Variants in HTR2C observed in about 807,000 individuals in gnomAD.
The protein encoded by HTR2C is 5-hydroxytryptamine receptor 2C.
A neutral mutation model predicts 21.0 loss-of-function variants in HTR2C; 5 were observed. The observed-to-expected ratio is 0.24, with a 90% confidence interval of 0.12 to 0.50. HTR2C has a LOEUF of 0.50. HTR2C is among the 20% of genes least tolerant of loss of function. The pLI is 0.98. For missense variants in HTR2C, 271 were observed against 371.2 expected (o/e 0.73, Z 2.22); for synonymous variants, 150 against 145.3 (o/e 1.03, Z -0.23).
At chrX:114,759,464 C>T (rs782094562) in intron 4 of HTR2C, among the ~76,000 whole-genome samples, 2 of 111,477 alleles carry the variant, frequency 1.8e-5, no homozygotes, top group Non-Finnish European at 3.8e-5. Context: ...AATTAAAACA[C>T]GAGTATATAT....
intron 2 of HTR2C, among the ~76,000 whole-genome samples, chrX:114,641,064 T>C (rs937818030): frequency 1.5e-4 from 16 of 103,719 alleles, no homozygotes; most frequent in African/African-American, 5.3e-4. Context: ...TTTTTTCTTT[T>C]CTTTTCTTTT....
chrX:114,660,913 A>G (rs781870686), intron 2 of HTR2C, among the ~76,000 whole-genome samples: 5 of 112,196 alleles, frequency 4.5e-5, no homozygotes, highest in African/African-American at 1.6e-4. Flanking sequence ...AAAGTTGTGT[A>G]TTCTATTTAA....
At chrX:114,668,532 G>A (rs990360660) in intron 2 of HTR2C, among the ~76,000 whole-genome samples, 1 of 111,303 alleles carries the variant, frequency 9.0e-6, no homozygotes, top group South Asian at 3.7e-4. Context: ...TTATGGCTAG[G>A]TATAAATTCA....
intron 2 of HTR2C, among the ~76,000 whole-genome samples, chrX:114,642,930 A>G (rs1930195313): frequency 8.9e-6 from 1 of 111,894 alleles, no homozygotes; most frequent in Non-Finnish European, 1.9e-5. Context: ...TTTTATAATT[A>G]TCTTCCAACA....
chrX:114,650,691 T>C (rs1930528924), intron 2 of HTR2C, among the ~76,000 whole-genome samples: 1 of 112,296 alleles, frequency 8.9e-6, no homozygotes, highest in Admixed American at 9.5e-5. Context: ...CTCTTCTTTA[T>C]TATCTCCCTC....
At chrX:114,641,031 CCTTTCTTT>C (rs78437727) in intron 2 of HTR2C, among the ~76,000 whole-genome samples, 33 of 84,077 alleles carry the variant, frequency 3.9e-4, no homozygotes, top group East Asian at 1.1e-3. Context: ...TTTCTTTCTT[CCTTTCTTT>C]CTTTCTTTCT....
chrX:114,827,095 A>G, intron 4 of HTR2C, among the ~76,000 whole-genome samples: 1 of 110,595 alleles, frequency 9.0e-6, no homozygotes, highest in Non-Finnish European at 1.9e-5. Flanking sequence ...TTGGGACCAC[A>G]ATGCTTTGGA....
intron 2 of HTR2C, among the ~76,000 whole-genome samples, chrX:114,679,506 C>T (rs1556413264): frequency 2.7e-5 from 3 of 110,154 alleles, no homozygotes; most frequent in Non-Finnish European, 3.8e-5. Flanking sequence ...CTTGAATTCC[C>T]GGACTCAAGT....
chrX:114,846,342 T>A (rs1445355963), intron 4 of HTR2C, among the ~76,000 whole-genome samples: 1 of 112,101 alleles, frequency 8.9e-6, no homozygotes, highest in African/African-American at 3.2e-5. Context: ...ATTATCTTAA[T>A]ATCAAAGCCA....
intron 5 of HTR2C, among the ~76,000 whole-genome samples, chrX:114,891,055 C>T (rs1279711518): frequency 1.8e-5 from 2 of 110,703 alleles, no homozygotes; most frequent in Non-Finnish European, 3.8e-5. Flanking sequence ...TTCTAGCCTT[C>T]GAAATTGCAA....
intron 4 of HTR2C, among the ~76,000 whole-genome samples, chrX:114,774,566 C>T (rs1189871852): frequency 4.5e-5 from 5 of 111,678 alleles, no homozygotes; most frequent in South Asian, 3.7e-4. Flanking sequence ...ATATTCTTAA[C>T]GCAGTGTTAA....
intron 4 of HTR2C, among the ~76,000 whole-genome samples, chrX:114,742,725 TAA>T (rs1171507342): frequency 9.7e-4 from 21 of 21,607 alleles, no homozygotes; most frequent in African/African-American, 1.4e-3. Context: ...TTTTTTTTTT[TAA>T]TTTTTTTTTT....
At chrX:114,882,900 T>TG (rs782036922) in intron 5 of HTR2C, among the ~76,000 whole-genome samples, 122 of 110,853 alleles carry the variant, frequency 1.1e-3, no homozygotes, top group African/African-American at 3.8e-3. Context: ...TGGGAAGAAC[T>TG]GGTATTATTT....
intron 4 of HTR2C, among the ~76,000 whole-genome samples, chrX:114,797,099 T>C (rs1556445472): frequency 8.9e-6 from 1 of 111,782 alleles, no homozygotes; most frequent in Non-Finnish European, 1.9e-5. Flanking sequence ...AAAAAGGTTG[T>C]GATGCAGTAA....
intron 5 of HTR2C, among the ~76,000 whole-genome samples, chrX:114,898,799 G>A (rs1253592693): frequency 2.7e-5 from 3 of 111,487 alleles, no homozygotes; most frequent in African/African-American, 6.5e-5. Flanking sequence ...TACTGTGGCC[G>A]AATAGTATAG....
chrX:114,730,118 A>G (rs1244702017), intron 3 of HTR2C, among the ~76,000 whole-genome samples: 1 of 112,022 alleles, frequency 8.9e-6, no homozygotes, highest in Non-Finnish European at 1.9e-5. Context: ...TGTCTTGTCT[A>G]TTTTATGAAG....
chrX:114,846,675 A>G (rs1202218963), intron 4 of HTR2C, among the ~76,000 whole-genome samples: 1 of 112,226 alleles, frequency 8.9e-6, no homozygotes, highest in Non-Finnish European at 1.9e-5. Flanking sequence ...ACAGGCATTT[A>G]TAAAAAACAA....
At chrX:114,868,527 G>A (rs2071064782) in intron 5 of HTR2C, among the ~76,000 whole-genome samples, 1 of 111,496 alleles carries the variant, frequency 9.0e-6, no homozygotes, top group Admixed American at 9.6e-5. Context: ...ATAACCCACA[G>A]CAGGAATGTG....
At chrX:114,644,554 A>G (rs1930291112) in intron 2 of HTR2C, among the ~76,000 whole-genome samples, 1 of 102,729 alleles carries the variant, frequency 9.7e-6, no homozygotes, top group African/African-American at 3.7e-5. Flanking sequence ...TTTTCTCCTC[A>G]TACTTAAATA....
Sources: gnomAD v4.1 joint callset for allele counts (sites outside exome capture counted in the v4.1 genomes callset) on GRCh38, gnomAD v4.1.1 for gene constraint, MANE v1.5 for transcripts, NCBI Gene and HGNC (gene_info 2026-07-23, HGNC 2026-07-21) for gene names.